Variants in MRC2 observed in about 807,000 individuals in gnomAD.
The protein encoded by MRC2 is mannose receptor C-type 2.
MRC2 carries 84 observed loss-of-function variants against 206.2 expected under a neutral mutation model. The ratio of observed to expected loss-of-function variants is 0.41; its 90% CI spans 0.34 to 0.49. The LOEUF (loss-of-function observed/expected upper bound fraction) is 0.49. MRC2 is among the 20% of genes least tolerant of loss of function. The pLI is 0.31. For missense variants in MRC2, 1,676 were observed against 2,001.5 expected, an observed-to-expected ratio of 0.84 and a Z score of 3.10; for synonymous variants, 798 against 800.0, an observed-to-expected ratio of 1.00 and a Z score of 0.04.
intron 24 of MRC2, 66 bp from the exon 25 acceptor site, chr17:62,689,828 C>T (rs1598999411): frequency 1.3e-6 from 2 of 1,542,930 alleles, no homozygotes; most frequent in Non-Finnish European, 1.7e-6. Flanking sequence ...CCCTTCCTGC[C>T]CCCGCCTTAT....
intron 1 of MRC2, 37 bp downstream of exon 1, chr17:62,627,957 G>A: frequency 7.4e-7 from 1 of 1,343,148 alleles, no homozygotes; most frequent in African/African-American, 1.5e-5. Context: ...TCAGGGCCCG[G>A]GCGGGGGGAG....
At chr17:62,634,850 G>A (rs2429398) in intron 1 of MRC2, among the ~76,000 whole-genome samples, 100,369 of 148,784 alleles carry the variant, frequency 0.67, 33,914 homozygotes, top group East Asian at 0.81. Context: ...TTTTTTTTTA[G>A]GACGGAGTCT....
chr17:62,684,507 C>T (rs1161469478), intron 20 of MRC2, among the ~76,000 whole-genome samples: 5 of 152,198 alleles, frequency 3.3e-5, no homozygotes, highest in African/African-American at 4.8e-5. Context: ...GTTTTTACAA[C>T]ACCCCCTCCA....
At position 62,667,508 on chromosome 17, in the gene MRC2, C is replaced by T. The variant is rs1478588016; in HGVS notation, c.1092C>T (p.Asn364=). The T allele has an allele frequency of 3.1e-6, 5 of 1,611,066 alleles. No individual in the cohort carries two copies. Among genetic ancestry groups the T allele is most frequent in the African/African-American group, 2.7e-5 (2 of 74,814 alleles). The change falls in exon 6 of 30, where the codon AAC becomes AAT. Residue 364 remains asparagine (N), a synonymous_variant. Transcript: ENST00000303375. The surrounding 1 kb of genome is among the most constrained non-coding windows in gnomAD (Gnocchi z 4.1). ...ALPYVCKKKP[N]ATAEPTPPDR... The stretch of plus-strand genomic sequence containing the variant: ...CCTATGTGTGCAAGAAGAAGCCCAA[C>T]GCCACGGCCGAGCCCACCCCTCCAG...
chr17:62,640,017 C>CTTTTTTTTTTTTTTTT (rs56703312), intron 1 of MRC2, among the ~76,000 whole-genome samples: 25 of 74,358 alleles, frequency 3.4e-4, no homozygotes, highest in South Asian at 5.8e-4. Flanking sequence ...CCATGCCCAG[C>CTTTTTTTTTTTTTTTT]TTTTTTTTTT....
At chr17:62,659,544 T>A (rs1317367495) in intron 1 of MRC2, among the ~76,000 whole-genome samples, 19 of 140,144 alleles carry the variant, frequency 1.4e-4, no homozygotes, top group African/African-American at 4.6e-4. Flanking sequence ...AGACTCTGTA[T>A]CAAAAAAAAA....
At chr17:62,650,293 AGT>A (rs948989059) in intron 1 of MRC2, among the ~76,000 whole-genome samples, 1 of 152,136 alleles carries the variant, frequency 6.6e-6, no homozygotes, top group African/African-American at 2.4e-5. Flanking sequence ...ATTCCACTTC[AGT>A]GTGTGTGTAT....
intron 1 of MRC2, among the ~76,000 whole-genome samples, chr17:62,637,125 G>A (rs1252060858): frequency 1.3e-5 from 2 of 152,182 alleles, no homozygotes; most frequent in African/African-American, 2.4e-5. Context: ...CACTTTGGGA[G>A]GCCGAGGCAG....
rs901556988 is a variant in MRC2, at chr17:62,664,426, G to A, written c.119-122G>A. On this transcript the variant is annotated intron_variant, in intron 1 of 29. Transcript: ENST00000303375. This position sits in a 1 kb window ranked among gnomAD's most constrained non-coding sequence, Gnocchi z 4.7. ...GGTAGTGAGTACCGAGTGATTTAAC[G>A]TATGAGTGACGGCTCACCATCCTGC... The A allele has an allele frequency of 1.1e-5, 12 of 1,115,836 alleles. No individual in the cohort carries two copies. Among genetic ancestry groups the A allele is most frequent in the Admixed American group, 6.7e-5 (3 of 44,688 alleles). 69.1% of individuals were successfully genotyped at this position (1,115,836 alleles called of 1,614,324 possible).
At position 62,690,639 on chromosome 17, in the gene MRC2, C is replaced by A. The variant is rs756261310; in HGVS notation, c.3893-3C>A. On this transcript the variant is annotated splice_polypyrimidine_tract_variant and splice_region_variant and intron_variant, in intron 26 of 29. Transcript: ENST00000303375. ...CCCTGACGTGGGCCTTCTTTGCATC[C>A]AGCGGGTGGGGCCGTCCTGTCTATC... 2 of 1,597,762 alleles carry A rather than the reference C, an allele frequency of 1.3e-6. No homozygotes were observed. Among genetic ancestry groups the A allele is most frequent in the Non-Finnish European group, 1.7e-6 (2 of 1,172,382 alleles).
intron 9 of MRC2, 26 bp downstream of exon 9, chr17:62,674,196 G>C: frequency 1.3e-6 from 2 of 1,504,686 alleles, no homozygotes. Flanking sequence ...GAGCTGCCCT[G>C]AGTGGGGCCA....
intron 1 of MRC2, among the ~76,000 whole-genome samples, chr17:62,633,125 A>G (rs2088266391): frequency 6.6e-6 from 1 of 152,218 alleles, no homozygotes; most frequent in Non-Finnish European, 1.5e-5. Flanking sequence ...AAATGAGATC[A>G]TGAACGTATG....
intron 12 of MRC2, among the ~76,000 whole-genome samples, chr17:62,677,698 G>T (rs2088911533): frequency 1.3e-5 from 2 of 152,208 alleles, no homozygotes; most frequent in Non-Finnish European, 2.9e-5. Flanking sequence ...TGATTTCAGA[G>T]GTTCCCAAAT....
At chr17:62,674,588 G>A (rs747564743) in intron 9 of MRC2, among the ~76,000 whole-genome samples, 3 of 152,312 alleles carry the variant, frequency 2.0e-5, no homozygotes, top group South Asian at 2.1e-4. Flanking sequence ...GACACAGGGC[G>A]TGTGCTGGTC....
Position 62,680,047 on chromosome 17 carries a change from G to T in MRC2, c.2299-123G>T. 1 of 1,527,720 alleles carries T rather than the reference G, an allele frequency of 6.5e-7. No individual in the cohort carries two copies. Among genetic ancestry groups the T allele is most frequent in the Non-Finnish European group, 8.9e-7 (1 of 1,122,520 alleles). 94.6% of individuals were successfully genotyped at this position (1,527,720 alleles called of 1,614,324 possible). A position where few individuals can be genotyped will look rare whatever the true frequency, so the allele number is the denominator to read the frequency against. On this transcript the variant is annotated intron_variant, in intron 14 of 29. Coordinates refer to ENST00000303375, the MANE Select transcript of MRC2 (RefSeq NM_006039.5). The surrounding 1 kb of genome is among the most constrained non-coding windows in gnomAD (Gnocchi z 4.8). ...GCTTCAGGAAAGCAGGTCCGAGAGG[G>T]GTCACCCGGCCCCCGGTGAGAATTC...
Position 62,675,706 on chromosome 17 carries a change from G to A in MRC2, c.1570-84G>A. ...AGCACGTTCAGTGATGTCCCTGATG[G>A]CATCTCCCACCACAGGATTTATGGG... On this transcript the variant is annotated intron_variant, in intron 9 of 29. Coordinates refer to ENST00000303375, the MANE Select transcript of MRC2 (RefSeq NM_006039.5). The surrounding 1 kb of genome is among the most constrained non-coding windows in gnomAD (Gnocchi z 4.1). 9.4e-7 allele frequency: 1 copy of A among 1,068,098 alleles called. No homozygotes were observed. Among genetic ancestry groups the A allele is most frequent in the Non-Finnish European group, 1.4e-6 (1 of 693,052 alleles). The allele number at this position is 1,068,098 out of a possible 1,614,324, so 66.2% of individuals were successfully genotyped here. A position where few individuals can be genotyped will look rare whatever the true frequency, so the allele number is the denominator to read the frequency against.
intron 1 of MRC2, among the ~76,000 whole-genome samples, chr17:62,648,858 G>C (rs886459013): frequency 3.9e-5 from 6 of 152,176 alleles, no homozygotes; most frequent in South Asian, 4.1e-4. Flanking sequence ...TGGTTCCCAG[G>C]CTCTCCGCTG....
Position 62,671,641 on chromosome 17 carries a change from C to G in MRC2, c.1118-8C>G. On this transcript the variant is annotated splice_region_variant and splice_polypyrimidine_tract_variant and intron_variant, in intron 6 of 29. Coordinates refer to ENST00000303375, the MANE Select transcript of MRC2 (RefSeq NM_006039.5). The surrounding 1 kb of genome is among the most constrained non-coding windows in gnomAD (Gnocchi z 4.5). ...GTCCCTGAGCAGCAGCCTCATGGGT[C>G]TCTGCAGACAGGTGGGCCAATGTGA... 6.4e-7 allele frequency: 1 copy of G among 1,561,074 alleles called. No individual in the cohort carries two copies. Among genetic ancestry groups the G allele is most frequent in the Non-Finnish European group, 8.7e-7 (1 of 1,151,496 alleles).
intron 20 of MRC2, among the ~76,000 whole-genome samples, chr17:62,685,791 C>T (rs2089024193): frequency 6.6e-6 from 1 of 152,210 alleles, no homozygotes; most frequent in African/African-American, 2.4e-5. Context: ...ATCCTCCTGC[C>T]TTGGCCTTCC....
Sources: allele counts gnomAD v4.1 joint callset (sites outside exome capture counted in the v4.1 genomes callset), GRCh38; gene constraint gnomAD v4.1.1; non-coding constraint Gnocchi (gnomAD v3.1); transcripts MANE v1.5; gene names NCBI Gene and HGNC (gene_info 2026-07-23, HGNC 2026-07-21).